The following LRP1B variants were observed in gnomAD, a reference collection of about 807,000 sequenced individuals.
LRP1B encodes the protein low-density lipoprotein receptor-related protein 1B.
LRP1B carries 217 observed loss-of-function variants against 556.6 expected under a neutral mutation model. The ratio of observed to expected loss-of-function variants is 0.39; its 90% CI spans 0.35 to 0.44. The LOEUF is 0.44. Ranked by LOEUF, LRP1B falls within the 20% of genes least tolerant of loss-of-function variation. The pLI, the probability that LRP1B is intolerant of heterozygous loss-of-function variation, is 1.00. For missense variants in LRP1B, 5,053 were observed against 5,620.8 expected (o/e 0.90, Z 3.23); for synonymous variants, 2,047 against 1,865.8 (o/e 1.10, Z -2.50).
At chr2:141,075,251 A>C (rs976489721) in intron 7 of LRP1B, among the ~76,000 whole-genome samples, 1 of 152,180 alleles carries the variant, frequency 6.6e-6, no homozygotes, top group Non-Finnish European at 1.5e-5. Flanking sequence ...GATTCAAAAA[A>C]TAATTTGGAG....
intron 66 of LRP1B, among the ~76,000 whole-genome samples, chr2:140,405,800 T>G (rs1375917908): frequency 6.6e-6 from 1 of 152,086 alleles, no homozygotes; most frequent in African/African-American, 2.4e-5. Flanking sequence ...CCTATGAAAC[T>G]ACACCAAAAT....
intron 1 of LRP1B, among the ~76,000 whole-genome samples, chr2:141,817,541 A>T (rs899955621): frequency 6.6e-6 from 1 of 152,094 alleles, no homozygotes; most frequent in African/African-American, 2.4e-5. Context: ...GCTGAAAAAA[A>T]TGTATATATA....
At chr2:141,594,788 T>C (rs1203100053) in intron 2 of LRP1B, among the ~76,000 whole-genome samples, 1 of 152,152 alleles carries the variant, frequency 6.6e-6, no homozygotes, top group Non-Finnish European at 1.5e-5. Flanking sequence ...TTTGAGTTAA[T>C]ATTTAGATTG....
intron 77 of LRP1B, among the ~76,000 whole-genome samples, chr2:140,345,865 T>C (rs1034573879): frequency 1.4e-5 from 2 of 145,398 alleles, no homozygotes; most frequent in Admixed American, 7.1e-5. Flanking sequence ...CACACACATA[T>C]ATATATATAT....
chr2:142,022,286 A>G (rs1703352398), intron 1 of LRP1B, among the ~76,000 whole-genome samples: 1 of 151,434 alleles, frequency 6.6e-6, no homozygotes. Context: ...GTTGTAAAAA[A>G]AAACAACAGT....
Position 140,598,674 on chromosome 2 carries a change from A to G in LRP1B, c.7151T>C (p.Leu2384Pro). ...AEKLYFSDGSLGKIERCEYDG... is the reference protein window; with the variant it reads ...AEKLYFSDGSPGKIERCEYDG... ...GTATTCACACCTTTCAATTTTTCCTAGACTGCCATCTGAGAAATACAGCTT... is the reference window on the plus strand; with the variant it reads ...GTATTCACACCTTTCAATTTTTCCTGGACTGCCATCTGAGAAATACAGCTT... Residue 2384 changes from leucine (L) to proline (P), a missense_variant, in exon 43 of 91, where the codon CTA (leucine) becomes CCA (proline). Physicochemically the swap from Leu to Pro is moderately conservative, Grantham distance 98. Coordinates refer to ENST00000389484, the MANE Select transcript of LRP1B (RefSeq NM_018557.3). 6.2e-7 allele frequency: 1 copy of G among 1,613,724 alleles called. No homozygotes were observed. The highest frequency in any genetic ancestry group is 8.5e-7 in the Non-Finnish European group (1 of 1,179,796).
At position 141,675,107 on chromosome 2, in the gene LRP1B, G is replaced by C. The variant is rs1220577013; in HGVS notation, c.205+135172C>G. On this transcript the variant is annotated intron_variant, in intron 2 of 90. Coordinates refer to ENST00000389484, the MANE Select transcript of LRP1B (RefSeq NM_018557.3). ...CCCTATTATTTTCTTAAAGAAATTT[G>C]TGTTCTTATTGATTTGTGGAAACTC... is the stretch of plus-strand genomic sequence containing the variant. 2.0e-5 allele frequency among the ~76,000 whole-genome samples: 3 copies of C among 151,684 alleles called. No homozygotes were observed. In the East Asian group the frequency reaches 5.8e-4, roughly 29 times the overall value.
intron 31 of LRP1B, among the ~76,000 whole-genome samples, chr2:140,829,964 G>C (rs1325662294): frequency 6.6e-6 from 1 of 151,626 alleles, no homozygotes; most frequent in Non-Finnish European, 1.5e-5. Flanking sequence ...TAATCATTAG[G>C]GACTATTACG....
intron 3 of LRP1B, among the ~76,000 whole-genome samples, chr2:141,392,084 G>A (rs1388889050): frequency 6.6e-6 from 1 of 152,136 alleles, no homozygotes; most frequent in Admixed American, 6.6e-5. Context: ...CCTCTGGATT[G>A]ACTGGTTAAG....
chr2:140,627,679 C>T (rs1316855919), intron 41 of LRP1B, among the ~76,000 whole-genome samples: 2 of 152,144 alleles, frequency 1.3e-5, no homozygotes, highest in African/African-American at 4.8e-5. Flanking sequence ...ATACAGCTAT[C>T]CTATTAGTCC....
chr2:140,284,204 C>T (rs1683028838), intron 84 of LRP1B, among the ~76,000 whole-genome samples: 2 of 151,500 alleles, frequency 1.3e-5, no homozygotes, highest in South Asian at 4.1e-4. Context: ...TACATGCCTC[C>T]AGAGTGCTTA....
chr2:141,133,574 C>G (rs1454457873), intron 7 of LRP1B, among the ~76,000 whole-genome samples: 1 of 151,952 alleles, frequency 6.6e-6, no homozygotes, highest in Non-Finnish European at 1.5e-5. Flanking sequence ...AGAACTCTGC[C>G]TGGCACAGCA....
Position 140,923,161 on chromosome 2 carries a change from G to A in LRP1B, c.3137-14C>T, listed in dbSNP as rs778169681. On this transcript the variant is annotated splice_polypyrimidine_tract_variant and intron_variant, in intron 20 of 90. Coordinates refer to ENST00000389484, the MANE Select transcript of LRP1B (RefSeq NM_018557.3). ...GAGAATGAATCTCTTAATTTGAAAT[G>A]AGGAAGAGAGAAGCAGAGGGGGGCA... 1.2e-6 allele frequency: 2 copies of A among 1,601,544 alleles called. No individual in the cohort carries two copies. The highest frequency in any genetic ancestry group is 4.5e-5 in the East Asian group (2 of 44,528).
At chr2:140,849,809 G>A (rs1692402101) in intron 29 of LRP1B, among the ~76,000 whole-genome samples, 1 of 151,902 alleles carries the variant, frequency 6.6e-6, no homozygotes, top group Non-Finnish European at 1.5e-5. Context: ...CAAAGTGCCG[G>A]GATTACCGCT....
chr2:141,185,690 A>AAC (rs1342000312), intron 7 of LRP1B, among the ~76,000 whole-genome samples: 3 of 146,830 alleles, frequency 2.0e-5, no homozygotes, highest in African/African-American at 7.5e-5. Flanking sequence ...AAACAAACAA[A>AAC]AAAAAACAAA....
At chr2:140,356,811 A>G (rs1374799187) in intron 74 of LRP1B, among the ~76,000 whole-genome samples, 1 of 151,810 alleles carries the variant, frequency 6.6e-6, no homozygotes, top group East Asian at 1.9e-4. Context: ...TATGAGTACT[A>G]CATCCTTCTC....
chr2:141,879,761 T>G (rs1012113463), intron 1 of LRP1B, among the ~76,000 whole-genome samples: 1 of 151,954 alleles, frequency 6.6e-6, no homozygotes, highest in African/African-American at 2.4e-5. Context: ...TTGCCAATCA[T>G]GTTGTTTAGT....
At chr2:141,293,926 A>T (rs1686079957) in intron 3 of LRP1B, among the ~76,000 whole-genome samples, 1 of 152,174 alleles carries the variant, frequency 6.6e-6, no homozygotes, top group Non-Finnish European at 1.5e-5. Flanking sequence ...TACTACATAT[A>T]TATTCTATAT....
chr2:141,778,674 G>A (rs1458603300), intron 2 of LRP1B, among the ~76,000 whole-genome samples: 4 of 152,190 alleles, frequency 2.6e-5, no homozygotes, highest in Non-Finnish European at 1.5e-5. Flanking sequence ...ACTACAAAAT[G>A]TAATGGGGCA....
Sources: allele counts gnomAD v4.1 joint callset (sites outside exome capture counted in the v4.1 genomes callset), GRCh38; gene constraint gnomAD v4.1.1; transcripts MANE v1.5; gene names NCBI Gene and HGNC (gene_info 2026-07-23, HGNC 2026-07-21).